PHF14: variants seen among roughly 807,000 people sequenced by gnomAD.
PHF14 encodes PHD finger protein 14.
Under a neutral mutation model 117.9 loss-of-function variants are expected in PHF14, and 55 were observed. The observed-to-expected ratio is 0.47, with a 90% CI of 0.38 to 0.58. The LOEUF (loss-of-function observed/expected upper bound fraction) is 0.58, where lower values mean the gene tolerates loss of function less well. Among genes scored for constraint, PHF14 ranks in the 20% least tolerant of loss-of-function variants. The pLI, the probability that PHF14 is intolerant of heterozygous loss-of-function variation, is 0.00. For synonymous variants in PHF14, 409 were observed against 368.6 expected (o/e 1.11, Z -1.26); for missense variants, 978 against 1,122.2 (o/e 0.87, Z 1.84).
At chr7:11,056,977 G>T (rs1408778132) in intron 14 of PHF14, among the ~76,000 whole-genome samples, 1 of 151,898 alleles carries the variant, frequency 6.6e-6, no homozygotes, top group Non-Finnish European at 1.5e-5. Context: ...ATTGATTTTG[G>T]AATTTTGCCC....
At chr7:11,146,467 T>C (rs1380720055) in intron 17 of PHF14, among the ~76,000 whole-genome samples, 2 of 152,126 alleles carry the variant, frequency 1.3e-5, no homozygotes, top group Non-Finnish European at 2.9e-5. Context: ...TTTCTTCACC[T>C]CCATGTCTCT....
intron 2 of PHF14, among the ~76,000 whole-genome samples, chr7:10,976,854 A>G (rs16876770): frequency 0.13 from 19,334 of 146,668 alleles, 1,433 homozygotes; most frequent in African/African-American, 0.21. Context: ...TGCTGCACTC[A>G]TAATTTACCT....
chr7:11,166,584 T>A (rs1034472677), intron 17 of PHF14, among the ~76,000 whole-genome samples: 3 of 152,186 alleles, frequency 2.0e-5, no homozygotes. Context: ...TCCCTAGAGC[T>A]TTATTAGATC....
At chr7:11,004,246 C>CAAAAAAAAA (rs55917513) in intron 4 of PHF14, among the ~76,000 whole-genome samples, 3 of 51,276 alleles carry the variant, frequency 5.9e-5, no homozygotes, top group Non-Finnish European at 7.7e-5. Flanking sequence ...GACTTTGTCT[C>CAAAAAAAAA]AAAAAAAAAA....
At position 11,038,670 on chromosome 7, in the gene PHF14, A is replaced by T. The variant is rs1784395461; in HGVS notation, c.1981-90A>T. On this transcript the variant is annotated intron_variant, in intron 10 of 17. Coordinates refer to ENST00000634607, the MANE Select transcript of PHF14 (RefSeq NM_001007157.2). ...AGACTCTGTCTCAAAAAAAAAAAAAATTATATATATATATGTGGAATAGAA... is the reference window on the plus strand; with the variant it reads ...AGACTCTGTCTCAAAAAAAAAAAAATTTATATATATATATGTGGAATAGAA... The T allele has an allele frequency of 1.4e-4, 51 of 359,616 alleles. No individual in the cohort carries two copies. The East Asian group carries it at 2.1e-3, about 15-fold the overall frequency. 22.3% of individuals were successfully genotyped at this position (359,616 alleles called of 1,614,324 possible).
intron 5 of PHF14, among the ~76,000 whole-genome samples, chr7:11,017,718 G>A (rs926535099): frequency 5.3e-5 from 8 of 151,974 alleles, no homozygotes; most frequent in African/African-American, 1.9e-4. Context: ...TCTTCAGTTT[G>A]ATGATGTATT....
chr7:11,036,910 A>C, intron 9 of PHF14, 75 bp from the exon 10 acceptor site: 1 of 1,040,774 alleles, frequency 9.6e-7, no homozygotes, highest in Admixed American at 2.7e-5. Context: ...CAATGTGATC[A>C]TCTTTATAGC....
chr7:11,059,705 C>T (rs77610315), intron 14 of PHF14, among the ~76,000 whole-genome samples: 3,782 of 151,960 alleles, frequency 0.025, 58 homozygotes, highest in Middle Eastern at 0.068. Context: ...ACCTGGGAGG[C>T]GGAAACTACA....
intron 17 of PHF14, among the ~76,000 whole-genome samples, chr7:11,157,047 C>T (rs1788881518): frequency 6.6e-6 from 1 of 152,114 alleles, no homozygotes; most frequent in Non-Finnish European, 1.5e-5. Context: ...TTATCTTTAT[C>T]ACCTCCATGT....
At chr7:10,998,061 A>G (rs1187483518) in intron 4 of PHF14, among the ~76,000 whole-genome samples, 1 of 152,134 alleles carries the variant, frequency 6.6e-6, no homozygotes, top group Non-Finnish European at 1.5e-5. Flanking sequence ...GAAAGGGAGA[A>G]TTGGTGATAT....
At chr7:11,105,361 C>A (rs1787223352) in intron 16 of PHF14, 1 of 947,242 alleles carries the variant, frequency 1.1e-6, no homozygotes, top group Non-Finnish European at 1.3e-6. Flanking sequence ...GTATTCACAT[C>A]CTATTAATGA....
intron 16 of PHF14, chr7:11,105,008 T>G: frequency 1.1e-6 from 1 of 897,780 alleles, no homozygotes; most frequent in Non-Finnish European, 1.3e-6. Context: ...CACATACAAT[T>G]TTTTTTAATT....
At chr7:11,038,936 T>C (rs767832705) in intron 11 of PHF14, 81 bp downstream of exon 11, 1 of 572,340 alleles carries the variant, frequency 1.7e-6, no homozygotes, top group Non-Finnish European at 3.1e-6. Context: ...GATACAACTG[T>C]CATTTGACTA....
chr7:11,087,319 G>T (rs1159830381), intron 16 of PHF14, among the ~76,000 whole-genome samples: 1 of 151,988 alleles, frequency 6.6e-6, no homozygotes, highest in African/African-American at 2.4e-5. Context: ...AGCCTCCCGA[G>T]TAGCTGGGAC....
chr7:11,106,620 A>G lies in PHF14; in HGVS notation c.2655-4730A>G, dbSNP rs114206218. The stretch of plus-strand genomic sequence containing the variant: ...TCTCCATCTGTTAAGATGTTTAATC[A>G]AAATAATTGGCCACTATTCAATGAA... On this transcript the variant is annotated intron_variant, in intron 16 of 17. Transcript: ENST00000634607. 2,454 of 982,952 alleles carry G rather than the reference A, an allele frequency of 2.5e-3. 44 individuals carry two copies. In the African/African-American group the frequency reaches 0.04, roughly 16 times the overall value. 60.9% of individuals were successfully genotyped at this position (982,952 alleles called of 1,614,324 possible).
At chr7:11,120,897 A>G (rs1280588412) in intron 17 of PHF14, among the ~76,000 whole-genome samples, 2 of 152,132 alleles carry the variant, frequency 1.3e-5, no homozygotes, top group Admixed American at 1.3e-4. Context: ...TTTACTGACG[A>G]CATATTTTAG....
chr7:11,063,310 C>G, intron 16 of PHF14: 1 of 983,906 alleles, frequency 1.0e-6, no homozygotes, highest in South Asian at 4.7e-5. Flanking sequence ...GTTCCAAGTT[C>G]AGGAGATACA....
intron 4 of PHF14, among the ~76,000 whole-genome samples, 160 bp from the exon 5 acceptor site, chr7:11,013,587 A>G (rs1783427458): frequency 1.3e-5 from 2 of 152,216 alleles, no homozygotes; most frequent in Admixed American, 1.3e-4. Flanking sequence ...GTGAAAAAGT[A>G]TATAAAATGA....
intron 4 of PHF14, among the ~76,000 whole-genome samples, chr7:10,991,285 A>G (rs780234603): frequency 6.6e-6 from 1 of 152,028 alleles, no homozygotes; most frequent in Non-Finnish European, 1.5e-5. Context: ...GGTTCAAACT[A>G]TTCTGCCTCA....
Sources: allele counts gnomAD v4.1 joint callset (sites outside exome capture counted in the v4.1 genomes callset), GRCh38; gene constraint gnomAD v4.1.1; transcripts MANE v1.5; gene names NCBI Gene and HGNC (gene_info 2026-07-23, HGNC 2026-07-21).